CSMD1: variants seen among roughly 807,000 people sequenced by gnomAD.
The protein encoded by CSMD1 is CUB and Sushi multiple domains 1.
A neutral mutation model predicts 417.5 loss-of-function variants in CSMD1; 213 were observed. That is an observed-to-expected ratio of 0.51 (90% CI 0.46 to 0.57). CSMD1 has a LOEUF of 0.57. CSMD1 is among the 20% of genes least tolerant of loss of function. CSMD1 has a pLI of 0.00. For missense variants in CSMD1, 6,923 were observed against 4,529.7 expected, an observed-to-expected ratio of 1.53 and a Z score of -15.17; for synonymous variants, 2,862 against 1,736.8, an observed-to-expected ratio of 1.65 and a Z score of -16.11.
intron 3 of CSMD1, among the ~76,000 whole-genome samples, chr8:4,373,578 CTTAT>C (rs1487691271): frequency 4.6e-5 from 7 of 152,142 alleles, no homozygotes; most frequent in Admixed American, 1.3e-4. Flanking sequence ...TTAATTTCAT[CTTAT>C]TTAATTTTCC....
chr8:4,686,082 G>A (rs1202792589), intron 1 of CSMD1, among the ~76,000 whole-genome samples: 1 of 152,200 alleles, frequency 6.6e-6, no homozygotes, highest in African/African-American at 2.4e-5. Flanking sequence ...CTCTGGTTGT[G>A]TCATTCACTT....
intron 6 of CSMD1, among the ~76,000 whole-genome samples, chr8:3,716,474 T>A (rs542961205): frequency 6.6e-6 from 1 of 152,330 alleles, no homozygotes; most frequent in South Asian, 2.1e-4. Context: ...AGAGTAACTT[T>A]GTGATGCTGC....
At chr8:3,850,382 C>A (rs1052749583) in intron 5 of CSMD1, among the ~76,000 whole-genome samples, 1 of 152,176 alleles carries the variant, frequency 6.6e-6, no homozygotes, top group African/African-American at 2.4e-5. Flanking sequence ...TAAGCACTGA[C>A]ACTGAATTCA....
intron 7 of CSMD1, among the ~76,000 whole-genome samples, chr8:3,661,349 T>G (rs1411414305): frequency 1.3e-5 from 2 of 152,120 alleles, no homozygotes; most frequent in Non-Finnish European, 2.9e-5. Flanking sequence ...TCCAGCTGTT[T>G]CTCCACCTCA....
chr8:3,716,042 T>A (rs1256893145), intron 6 of CSMD1, among the ~76,000 whole-genome samples: 1 of 152,178 alleles, frequency 6.6e-6, no homozygotes, highest in Non-Finnish European at 1.5e-5. Flanking sequence ...AATATTTTGG[T>A]CGAATGTCCA....
At chr8:4,105,192 A>G (rs1008144916) in intron 3 of CSMD1, among the ~76,000 whole-genome samples, 1 of 152,178 alleles carries the variant, frequency 6.6e-6, no homozygotes, top group Non-Finnish European at 1.5e-5. Context: ...ATACATCCTA[A>G]GATTATTCCA....
intron 1 of CSMD1, among the ~76,000 whole-genome samples, chr8:4,880,855 A>G (rs1193468680): frequency 1.3e-5 from 2 of 152,112 alleles, no homozygotes; most frequent in Non-Finnish European, 2.9e-5. Flanking sequence ...CCCTGATCTA[A>G]GCTATTTAGT....
intron 38 of CSMD1, among the ~76,000 whole-genome samples, chr8:3,158,502 T>C (rs1255313251): frequency 1.3e-5 from 2 of 152,190 alleles, no homozygotes; most frequent in Non-Finnish European, 2.9e-5. Context: ...ACATTCATTT[T>C]CTCACTAGAC....
chr8:4,108,613 G>A (rs1442926661), intron 3 of CSMD1, among the ~76,000 whole-genome samples: 1 of 152,136 alleles, frequency 6.6e-6, no homozygotes, highest in Non-Finnish European at 1.5e-5. Flanking sequence ...ACAGGTTCCC[G>A]GCCCGAGAGT....
chr8:3,792,107 C>A (rs1375853015), intron 5 of CSMD1, among the ~76,000 whole-genome samples: 1 of 152,040 alleles, frequency 6.6e-6, no homozygotes, highest in Non-Finnish European at 1.5e-5. Context: ...GAGCCTGGGC[C>A]AAATAGGGAG....
chr8:4,163,395 T>C (rs919861236), intron 3 of CSMD1, among the ~76,000 whole-genome samples: 7 of 152,230 alleles, frequency 4.6e-5, no homozygotes, highest in African/African-American at 1.4e-4. Context: ...GACAGCAATC[T>C]ACATTGTTGG....
chr8:3,973,160 G>C (rs549599434), intron 5 of CSMD1, among the ~76,000 whole-genome samples: 7 of 152,282 alleles, frequency 4.6e-5, no homozygotes, highest in African/African-American at 7.2e-5. Context: ...TCCATGTTTT[G>C]TCTGAAAACG....
At chr8:3,362,461 C>G (rs75385348) in intron 20 of CSMD1, among the ~76,000 whole-genome samples, 2,319 of 152,268 alleles carry the variant, frequency 0.015, 65 homozygotes, top group African/African-American at 0.053. Context: ...TCTCCAAAGG[C>G]TTTCCTTTCT....
intron 5 of CSMD1, among the ~76,000 whole-genome samples, chr8:3,957,860 C>A (rs1044660393): frequency 6.6e-6 from 1 of 152,146 alleles, no homozygotes; most frequent in African/African-American, 2.4e-5. Context: ...ATAAGAGGCA[C>A]ATTTGGAGCC....
intron 3 of CSMD1, among the ~76,000 whole-genome samples, chr8:4,096,683 A>G (rs1489844760): frequency 1.3e-5 from 2 of 152,248 alleles, no homozygotes; most frequent in Non-Finnish European, 2.9e-5. Flanking sequence ...ACAAATTCAG[A>G]CTTTCCAAAA....
intron 25 of CSMD1, among the ~76,000 whole-genome samples, chr8:3,290,439 T>C (rs1309748079): frequency 1.4e-5 from 2 of 146,218 alleles, no homozygotes; most frequent in Non-Finnish European, 2.9e-5. Context: ...TTTCACAATA[T>C]TGATTCTTCC....
At chr8:2,956,308 A>G (rs1803004773) in intron 63 of CSMD1, among the ~76,000 whole-genome samples, 1 of 152,122 alleles carries the variant, frequency 6.6e-6, no homozygotes, top group Non-Finnish European at 1.5e-5. Flanking sequence ...TTTTCTTTGA[A>G]ATATAATTTA....
intron 5 of CSMD1, among the ~76,000 whole-genome samples, chr8:3,881,498 G>A (rs573866802): frequency 4.0e-5 from 6 of 150,760 alleles, no homozygotes; most frequent in East Asian, 2.0e-4. Context: ...TTAGCTGGGC[G>A]TAGTGGTGGG....
intron 26 of CSMD1, among the ~76,000 whole-genome samples, chr8:3,260,359 G>T (rs895601863): frequency 6.6e-6 from 1 of 152,096 alleles, no homozygotes; most frequent in Non-Finnish European, 1.5e-5. Flanking sequence ...GGAGTTTTGT[G>T]TCGGGTGCCT....
Sources: gnomAD v4.1 joint callset for allele counts (sites outside exome capture counted in the v4.1 genomes callset) on GRCh38, gnomAD v4.1.1 for gene constraint, MANE v1.5 for transcripts, NCBI Gene and HGNC (gene_info 2026-07-23, HGNC 2026-07-21) for gene names.